The following FCRLB variants were observed in gnomAD, a reference collection of about 807,000 sequenced individuals.
FCRLB encodes the protein Fc receptor like B, also known as Fc receptor-like B.
FCRLB carries 34 observed loss-of-function variants against 33.6 expected under a neutral mutation model. The observed-to-expected ratio is 1.01, with a 90% CI of 0.77 to 1.35. FCRLB has a LOEUF of 1.35. Among genes scored for constraint, FCRLB ranks in the 40% most tolerant of loss-of-function variants. The pLI is 0.00. For missense variants in FCRLB, 560 were observed against 580.2 expected, an observed-to-expected ratio of 0.97 and a Z score of 0.36; for synonymous variants, 280 against 255.9, an observed-to-expected ratio of 1.09 and a Z score of -0.90.
intron 7 of FCRLB, 80 bp from the exon 8 acceptor site, chr1:161,727,167 A>AACCC: frequency 6.6e-6 from 4 of 602,994 alleles, no homozygotes; most frequent in Non-Finnish European, 8.8e-6. Flanking sequence ...ATCCCCGCCC[A>AACCC]CCGCCCTACG....
rs1270570821 is a variant in FCRLB at position 161,726,479 on chromosome 1, C to G, written c.575-224C>G. 1.6e-5 allele frequency: 12 copies of G among 748,292 alleles called. No individual in the cohort carries two copies. Among genetic ancestry groups the G allele is most frequent in the African/African-American group, 3.4e-5 (2 of 58,150 alleles). 46.4% of individuals were successfully genotyped at this position (748,292 alleles called of 1,614,324 possible). ...TCAGTCGGGATGTGACATGAAGCGT[C>G]TGGCCTGGTCCCTCTTCCTTTCAAG... is the stretch of plus-strand genomic sequence containing the variant. On this transcript the variant is annotated intron_variant, in intron 6 of 7. Transcript: ENST00000367948. This position sits in a 1 kb window ranked among gnomAD's most constrained non-coding sequence, Gnocchi z 5.2.
At chr1:161,725,989 G>A (rs748049975) in exon 6 of FCRLB, 9 of 1,614,066 alleles carry the variant, frequency 5.6e-6, no homozygotes, top group Non-Finnish European at 7.6e-6. Context: ...TTACAGGCGC[G>A]TGCCAGCGAC....
chr1:161,726,792 C>A lies in FCRLB; in HGVS notation c.664C>A (p.Arg222Ser). The change falls in exon 7 of 8, where the codon CGC becomes AGC. Residue 222 changes from arginine to serine, a missense_variant. Physicochemically the swap from Arg to Ser is moderately radical, Grantham distance 110. Coordinates refer to ENST00000367948, the Ensembl canonical transcript of FCRLB. The surrounding 1 kb of genome is among the most constrained non-coding windows in gnomAD (Gnocchi z 5.2). ...TGGGGTGGTGCTGCGCTGCGACACG[C>A]GCCTGCACCCGCAGAAGCGCGACAC... 2 of 1,563,232 alleles carry A rather than the reference C, an allele frequency of 1.3e-6. No homozygotes were observed. Among genetic ancestry groups the A allele is most frequent in the Non-Finnish European group, 1.7e-6 (2 of 1,156,642 alleles).
At chr1:161,722,872 G>A in intron 3 of FCRLB, 117 bp from the exon 4 acceptor site, 1 of 1,512,582 alleles carries the variant, frequency 6.6e-7, no homozygotes, top group Non-Finnish European at 9.1e-7. Flanking sequence ...GAAACCAGGG[G>A]CAGAAGAAGA....
At chr1:161,727,422 G>T in exon 8 of FCRLB, 1 of 1,613,248 alleles carries the variant, frequency 6.2e-7, no homozygotes. Context: ...GCGGCGCCCC[G>T]ACTGCGGGGC....
chr1:161,727,790 C>G, exon 8 of FCRLB: 1 of 1,206,184 alleles, frequency 8.3e-7, no homozygotes, highest in Non-Finnish European at 1.1e-6. Flanking sequence ...GGAGCGCCCA[C>G]GAAGTGTAGT....
At position 161,726,512 on chromosome 1, in the gene FCRLB, C is replaced by A. The variant is rs1247812843; in HGVS notation, c.575-191C>A. 5 of 831,166 alleles carry A rather than the reference C, an allele frequency of 6.0e-6. No homozygotes were observed. The highest frequency in any genetic ancestry group is 9.9e-6 in the Non-Finnish European group (5 of 503,264). 51.5% of individuals were successfully genotyped at this position (831,166 alleles called of 1,614,324 possible). ...GTCCCTCTTCCTTTCAAGCTTTCCC[C>A]GTCCCTCGTGGACTCGGTCCCCCTG... On this transcript the variant is annotated intron_variant, in intron 6 of 7. Transcript: ENST00000367948. This position sits in a 1 kb window ranked among gnomAD's most constrained non-coding sequence, Gnocchi z 5.2.
chr1:161,723,354 C>A lies in FCRLB; in HGVS notation c.53-13C>A. Reference sequence around the variant, plus strand: ...TTGCATGCTGCCCCCTCTCACCCCACTCCCCACCCCAGCTACTCTGGAGAA... The same window carrying A: ...TTGCATGCTGCCCCCTCTCACCCCAATCCCCACCCCAGCTACTCTGGAGAA... On this transcript the variant is annotated splice_polypyrimidine_tract_variant and intron_variant, in intron 4 of 7. Transcript: ENST00000367948. 1 of 1,612,762 alleles carries A rather than the reference C, an allele frequency of 6.2e-7. No individual in the cohort carries two copies.
chr1:161,728,053 T>C (rs1683659472), exon 8 of FCRLB: 1 of 174,446 alleles, frequency 5.7e-6, no homozygotes, highest in Non-Finnish European at 1.2e-5. Flanking sequence ...GTGTAATTAT[T>C]CATAATGAAT....
At chr1:161,724,699 G>A (rs1299145705) in intron 5 of FCRLB, among the ~76,000 whole-genome samples, 1 of 152,178 alleles carries the variant, frequency 6.6e-6, no homozygotes, top group Non-Finnish European at 1.5e-5. Flanking sequence ...AGTACTATAG[G>A]AGTAATTACT....
chr1:161,723,426 G>C, exon 5 of FCRLB: 1 of 1,614,156 alleles, frequency 6.2e-7, no homozygotes, highest in Non-Finnish European at 8.5e-7. Context: ...CTTCAAAGGG[G>C]AGCGGGTAAC....
Position 161,726,270 on chromosome 1 carries a change from G to A in FCRLB, c.574+183G>A. On this transcript the variant is annotated intron_variant, in intron 6 of 7. Coordinates refer to ENST00000367948, the Ensembl canonical transcript of FCRLB. This position sits in a 1 kb window ranked among gnomAD's most constrained non-coding sequence, Gnocchi z 5.2. Reference sequence around the variant, plus strand: ...GCAGCGCTTGATCCGCCGCCTGCTTGGAGGCTGGTCCCTTTCCCCGACGCA... The same window carrying A: ...GCAGCGCTTGATCCGCCGCCTGCTTAGAGGCTGGTCCCTTTCCCCGACGCA... 9.3e-7 allele frequency: 1 copy of A among 1,076,044 alleles called. No homozygotes were observed. The highest frequency in any genetic ancestry group is 1.4e-6 in the Non-Finnish European group (1 of 726,494). The allele number at this position is 1,076,044 out of a possible 1,614,324, so 66.7% of individuals were successfully genotyped here.
chr1:161,722,729 G>C (rs41270863), intron 3 of FCRLB, 26 bp downstream of exon 3: 1 of 1,613,612 alleles, frequency 6.2e-7, no homozygotes, highest in Non-Finnish European at 8.5e-7. Flanking sequence ...GGCAGCAGAA[G>C]AGCTTTGGGT....
At chr1:161,724,998 C>T (rs1317082261) in intron 5 of FCRLB, among the ~76,000 whole-genome samples, 2 of 152,142 alleles carry the variant, frequency 1.3e-5, no homozygotes, top group Non-Finnish European at 2.9e-5. Context: ...ACAAAAGCCT[C>T]GGGCTCAGAG....
chr1:161,723,437 T>C (rs1342453135), exon 5 of FCRLB: 18 of 1,614,046 alleles, frequency 1.1e-5, no homozygotes, highest in Non-Finnish European at 1.5e-5. Flanking sequence ...AGCGGGTAAC[T>C]TTGAAGTGTG....
rs746630501 is a variant in FCRLB at position 161,726,326 on chromosome 1, C to A, written c.574+239C>A. 1.3e-6 allele frequency: 1 copy of A among 796,026 alleles called. No homozygotes were observed. The highest frequency in any genetic ancestry group is 2.1e-6 in the Non-Finnish European group (1 of 472,330). 49.3% of individuals were successfully genotyped at this position (796,026 alleles called of 1,614,324 possible). ...TGGCTTCTCACTCTGGCTGGGGACT[C>A]CCACAGAGAGGGCAGCTCTGGCAGG... On this transcript the variant is annotated intron_variant, in intron 6 of 7. Coordinates refer to ENST00000367948, the Ensembl canonical transcript of FCRLB. The surrounding 1 kb of genome is among the most constrained non-coding windows in gnomAD (Gnocchi z 5.2).
At chr1:161,722,196 T>C (rs1352224608) in intron 2 of FCRLB, among the ~76,000 whole-genome samples, 1 of 152,138 alleles carries the variant, frequency 6.6e-6, no homozygotes, top group Non-Finnish European at 1.5e-5. Flanking sequence ...CTCATGCCAA[T>C]GTCTGTCATC....
chr1:161,723,496 G>A lies in FCRLB; in HGVS notation c.182G>A (p.Trp61Ter), dbSNP rs751573615. ...GAGCTCCAGCCCATCAGCACTCTCT[G>A]GTATTTGGGCCACCTACTTCTGCCC... The change falls in exon 5 of 8, where the codon TGG (tryptophan) becomes TAG (stop). Residue 61 changes from tryptophan to a stop codon, truncating the protein, a stop_gained. Coordinates refer to ENST00000367948, the Ensembl canonical transcript of FCRLB. LOFTEE classifies it high-confidence loss of function. 1.2e-6 allele frequency: 2 copies of A among 1,614,188 alleles called. No individual in the cohort carries two copies. Among genetic ancestry groups the A allele is most frequent in the Non-Finnish European group, 1.7e-6 (2 of 1,180,036 alleles).
At position 161,723,015 on chromosome 1, in the gene FCRLB, T is replaced by C; in HGVS notation, c.52+6T>C. ...TCCAAGCAGTGGGCAAGCTGGTGAG[T>C]CTTATAAATTTCTCATCCCAATTTT... is the stretch of plus-strand genomic sequence containing the variant. On this transcript the variant is annotated splice_donor_region_variant and intron_variant, in intron 4 of 7. Transcript: ENST00000367948. 6.2e-7 allele frequency: 1 copy of C among 1,613,736 alleles called. No individual in the cohort carries two copies.
Sources: allele counts gnomAD v4.1 joint callset (sites outside exome capture counted in the v4.1 genomes callset), GRCh38; gene constraint gnomAD v4.1.1; non-coding constraint Gnocchi (gnomAD v3.1); transcripts MANE v1.5; gene names NCBI Gene and HGNC (gene_info 2026-07-23, HGNC 2026-07-21).